MGRN1: variants seen among roughly 807,000 people sequenced by gnomAD.
The protein encoded by MGRN1 is mahogunin ring finger 1.
In MGRN1, 29 loss-of-function variants were observed where a neutral mutation model predicts 69.2. The ratio of observed to expected loss-of-function variants is 0.42; its 90% CI spans 0.31 to 0.57. The LOEUF is 0.57. Among genes scored for constraint, MGRN1 ranks in the 20% least tolerant of loss-of-function variants. The pLI is 0.15. For missense variants in MGRN1, 998 were observed against 796.2 expected (o/e 1.25, Z -3.05); for synonymous variants, 470 against 344.2 (o/e 1.37, Z -4.04).
intron 5 of MGRN1, among the ~76,000 whole-genome samples, chr16:4,658,069 CTT>C (rs1477444315): frequency 6.6e-6 from 1 of 151,814 alleles, no homozygotes; most frequent in Non-Finnish European, 1.5e-5. Context: ...TTAACCAGGT[CTT>C]TTGTAGGTTG....
intron 1 of MGRN1, among the ~76,000 whole-genome samples, chr16:4,629,715 G>C (rs1897897388): frequency 1.3e-5 from 2 of 149,482 alleles, no homozygotes; most frequent in African/African-American, 5.0e-5. Flanking sequence ...CTCCAGCCTG[G>C]TGAAAGAGCG....
chr16:4,686,255 G>T (rs189814564), intron 16 of MGRN1: 6 of 1,543,094 alleles, frequency 3.9e-6, no homozygotes, highest in East Asian at 2.4e-5. Context: ...CCCTCTCCGC[G>T]CAGCCCTGGG....
At chr16:4,659,416 C>T (rs747206158) in intron 5 of MGRN1, among the ~76,000 whole-genome samples, 9 of 152,220 alleles carry the variant, frequency 5.9e-5, no homozygotes, top group Non-Finnish European at 8.8e-5. Context: ...CCCCAGTCTC[C>T]GAGCCCTGTG....
intron 1 of MGRN1, among the ~76,000 whole-genome samples, chr16:4,637,431 GA>G (rs1898360138): frequency 2.0e-5 from 3 of 150,498 alleles, no homozygotes. Context: ...CTGTCTCAAA[GA>G]AAAAAACAAA....
chr16:4,632,007 CTTTTT>C (rs869090061), intron 1 of MGRN1, among the ~76,000 whole-genome samples: 63 of 64,862 alleles, frequency 9.7e-4, no homozygotes, highest in Admixed American at 2.0e-3. Flanking sequence ...AAAAAATTTC[CTTTTT>C]TTTTTTTTTT....
chr16:4,687,834 G>C, intron 16 of MGRN1: 1 of 985,444 alleles, frequency 1.0e-6, no homozygotes, highest in Middle Eastern at 5.2e-4. Context: ...CGCTTCTTTT[G>C]ACTGCGCTCT....
intron 1 of MGRN1, among the ~76,000 whole-genome samples, chr16:4,625,265 C>G (rs1460560830): frequency 6.6e-6 from 1 of 152,188 alleles, no homozygotes; most frequent in Non-Finnish European, 1.5e-5. Context: ...TGCTACTGCC[C>G]GGCTTGGGTG....
chr16:4,671,518 G>T, intron 9 of MGRN1, 59 bp downstream of exon 9: 2 of 1,525,892 alleles, frequency 1.3e-6, no homozygotes, highest in Non-Finnish European at 1.8e-6. Context: ...AGGAGCAGCC[G>T]CGGACAGCAA....
At chr16:4,633,381 C>G (rs971603774) in intron 1 of MGRN1, among the ~76,000 whole-genome samples, 3 of 148,298 alleles carry the variant, frequency 2.0e-5, no homozygotes, top group African/African-American at 7.5e-5. Context: ...AGTGCCCAGG[C>G]TTTATTTATT....
intron 10 of MGRN1, chr16:4,676,805 C>T (rs554753851): frequency 8.5e-5 from 13 of 152,526 alleles, no homozygotes; most frequent in Non-Finnish European, 5.9e-5. Flanking sequence ...TTTATCTTCT[C>T]TGCTCCCAGT....
intron 7 of MGRN1, among the ~76,000 whole-genome samples, chr16:4,665,504 G>A (rs1199386898): frequency 6.6e-6 from 1 of 151,114 alleles, no homozygotes; most frequent in East Asian, 2.0e-4. Flanking sequence ...GAGTACCTGG[G>A]AGTACAGGTG....
intron 16 of MGRN1, among the ~76,000 whole-genome samples, chr16:4,684,323 T>C (rs1391808199): frequency 6.6e-6 from 1 of 152,236 alleles, no homozygotes; most frequent in Non-Finnish European, 1.5e-5. Flanking sequence ...CCCCCACTCC[T>C]GGTCCTATCG....
At chr16:4,657,485 C>T (rs544682198) in intron 5 of MGRN1, 122 bp downstream of exon 5, 20 of 936,140 alleles carry the variant, frequency 2.1e-5, no homozygotes, top group African/African-American at 9.7e-5. Context: ...GACCTGGGAA[C>T]GGCCGCCCCA....
intron 1 of MGRN1, among the ~76,000 whole-genome samples, chr16:4,644,397 G>C (rs2078231959): frequency 1.4e-5 from 2 of 147,338 alleles, no homozygotes; most frequent in Admixed American, 7.0e-5. Flanking sequence ...GGCAACCTCT[G>C]CCTCCCAGGT....
intron 16 of MGRN1, 164 bp from the exon 17 acceptor site, chr16:4,688,632 G>A (rs1332374897): frequency 7.1e-7 from 1 of 1,406,826 alleles, no homozygotes; most frequent in Non-Finnish European, 9.3e-7. Flanking sequence ...GGAGTCCCCG[G>A]GCCCTTGGTG....
intron 10 of MGRN1, among the ~76,000 whole-genome samples, chr16:4,674,942 G>T (rs933346577): frequency 1.3e-5 from 2 of 151,574 alleles, no homozygotes. Context: ...GCCTGGCCGA[G>T]CCACCGCTTT....
At chr16:4,670,541 C>T (rs544677620) in intron 8 of MGRN1, among the ~76,000 whole-genome samples, 3 of 152,358 alleles carry the variant, frequency 2.0e-5, no homozygotes, top group Non-Finnish European at 2.9e-5. Flanking sequence ...CCACTGCACC[C>T]GGCCATCTGT....
chr16:4,674,968 C>T (rs932476990), intron 10 of MGRN1, among the ~76,000 whole-genome samples: 1 of 151,526 alleles, frequency 6.6e-6, no homozygotes, highest in Non-Finnish European at 1.5e-5. Context: ...TAATTACTTA[C>T]TTTTATTTAT....
rs371915901 is a variant in MGRN1 at position 4,688,769 on chromosome 16, C to T, written c.1619-27C>T. On this transcript the variant is annotated intron_variant, in intron 16 of 16. Transcript: ENST00000262370. ...CGTGGCACCAGGCATCCGAGTGTGA[C>T]CCTCCTCCCTCTGCTCCCACCTGCA... 1.1e-4 allele frequency: 170 copies of T among 1,522,822 alleles called. No individual in the cohort carries two copies. The African/African-American group carries it at 1.8e-3, about 16-fold the overall frequency. The allele number at this position is 1,522,822 out of a possible 1,614,324, so 94.3% of individuals were successfully genotyped here.
Sources: allele counts gnomAD v4.1 joint callset (sites outside exome capture counted in the v4.1 genomes callset), GRCh38; gene constraint gnomAD v4.1.1; transcripts MANE v1.5; gene names NCBI Gene and HGNC (gene_info 2026-07-23, HGNC 2026-07-21).